Variants in GPR158 observed in about 807,000 individuals in gnomAD.
GPR158 encodes metabotropic glycine receptor.
GPR158 carries 30 observed loss-of-function variants against 78.2 expected under a neutral mutation model. That is an observed-to-expected ratio of 0.38 (90% CI 0.29 to 0.52). The LOEUF (loss-of-function observed/expected upper bound fraction) is 0.52. GPR158 is among the 20% of genes least tolerant of loss of function. The pLI is 0.83. For synonymous variants in GPR158, 581 were observed against 591.1 expected (o/e 0.98, Z 0.25); for missense variants, 1,463 against 1,523.5 (o/e 0.96, Z 0.66).
rs537988034 is a variant in GPR158, at chr10:25,422,743, G to A, written c.1335+10270G>A. On this transcript the variant is annotated intron_variant, in intron 4 of 10. Coordinates refer to ENST00000376351, the MANE Select transcript of GPR158 (RefSeq NM_020752.3). ...TCAGTAGGTTTTTGGGAAACACGTG[G>A]TGTTGGGTTACACGAATAAGTTCTT... Among the ~76,000 whole-genome samples, 3 of 151,832 alleles carry A rather than the reference G, an allele frequency of 2.0e-5. 1 individual carries two copies. The South Asian group carries it at 6.3e-4, about 32-fold the overall frequency.
chr10:25,482,134 T>C (rs1228199051), intron 5 of GPR158, among the ~76,000 whole-genome samples: 1 of 152,098 alleles, frequency 6.6e-6, no homozygotes, highest in African/African-American at 2.4e-5. Flanking sequence ...GATGATGCTG[T>C]TTCTACCAGA....
At chr10:25,196,255 ATTCTT>A (rs1213030591) in intron 1 of GPR158, among the ~76,000 whole-genome samples, 4 of 150,628 alleles carry the variant, frequency 2.7e-5, no homozygotes, top group Non-Finnish European at 5.9e-5. Flanking sequence ...GAGAGATTTT[ATTCTT>A]TTCTTTTTTT....
chr10:25,187,427 A>G (rs1188718884), intron 1 of GPR158, among the ~76,000 whole-genome samples: 1 of 152,198 alleles, frequency 6.6e-6, no homozygotes, highest in Admixed American at 6.5e-5. Context: ...CAAAAAGCTT[A>G]TCCACCATGA....
chr10:25,526,511 C>G (rs980524454), intron 5 of GPR158, among the ~76,000 whole-genome samples: 1 of 152,080 alleles, frequency 6.6e-6, no homozygotes, highest in Non-Finnish European at 1.5e-5. Flanking sequence ...TGGATCCAAT[C>G]AAGAGACAGA....
chr10:25,267,301 C>A (rs921788766), intron 2 of GPR158, among the ~76,000 whole-genome samples: 8 of 152,098 alleles, frequency 5.3e-5, no homozygotes, highest in African/African-American at 1.4e-4. Flanking sequence ...GAAGGGGAAG[C>A]AAACATGCCC....
chr10:25,498,842 G>C (rs934966312), intron 5 of GPR158, among the ~76,000 whole-genome samples: 2 of 152,182 alleles, frequency 1.3e-5, no homozygotes, highest in South Asian at 2.1e-4. Context: ...AGTAGGTGCT[G>C]GATGGCACAG....
At chr10:25,471,824 G>C (rs1354216215) in intron 5 of GPR158, among the ~76,000 whole-genome samples, 1 of 151,982 alleles carries the variant, frequency 6.6e-6, no homozygotes, top group Non-Finnish European at 1.5e-5. Flanking sequence ...TTTTTTTCTT[G>C]TACATTTGTT....
At chr10:25,561,603 A>G (rs1836861499) in intron 6 of GPR158, among the ~76,000 whole-genome samples, 1 of 152,216 alleles carries the variant, frequency 6.6e-6, no homozygotes, top group African/African-American at 2.4e-5. Flanking sequence ...TTTCAAAACT[A>G]AACATTTTTG....
chr10:25,407,031 G>A (rs1437859041), intron 3 of GPR158, among the ~76,000 whole-genome samples: 1 of 152,068 alleles, frequency 6.6e-6, no homozygotes, highest in Non-Finnish European at 1.5e-5. Flanking sequence ...TTCCTTTAAG[G>A]TTCAAAATAA....
intron 1 of GPR158, among the ~76,000 whole-genome samples, chr10:25,180,928 A>G (rs2130628015): frequency 6.6e-6 from 1 of 152,268 alleles, no homozygotes; most frequent in African/African-American, 2.4e-5. Flanking sequence ...TAGTATGGAA[A>G]TCTCTTTTTA....
chr10:25,378,982 G>A (rs1221806916), intron 2 of GPR158, among the ~76,000 whole-genome samples: 1 of 151,826 alleles, frequency 6.6e-6, no homozygotes, highest in African/African-American at 2.4e-5. Flanking sequence ...TCTGAGATGG[G>A]GTCTCACCGT....
intron 2 of GPR158, among the ~76,000 whole-genome samples, chr10:25,269,879 T>G (rs899944189): frequency 5.9e-5 from 9 of 152,204 alleles, no homozygotes; most frequent in Non-Finnish European, 7.3e-5. Context: ...CCACGCAGTT[T>G]GTTTCATTTT....
At chr10:25,458,514 G>A (rs1416009640) in intron 4 of GPR158, among the ~76,000 whole-genome samples, 2 of 152,190 alleles carry the variant, frequency 1.3e-5, no homozygotes, top group South Asian at 2.1e-4. Flanking sequence ...CTGATCAGCC[G>A]AGTGAGCTTC....
chr10:25,551,643 C>T (rs566024927), intron 6 of GPR158, among the ~76,000 whole-genome samples: 9 of 152,192 alleles, frequency 5.9e-5, no homozygotes, highest in African/African-American at 2.2e-4. Flanking sequence ...TTCTAAACCA[C>T]CTAAATATTG....
At chr10:25,312,323 C>T (rs906295093) in intron 2 of GPR158, among the ~76,000 whole-genome samples, 1 of 151,910 alleles carries the variant, frequency 6.6e-6, no homozygotes, top group South Asian at 2.1e-4. Context: ...AATGTTGATA[C>T]GTTTAACCCA....
chr10:25,550,242 C>T (rs1836710538), intron 5 of GPR158, among the ~76,000 whole-genome samples: 1 of 152,118 alleles, frequency 6.6e-6, no homozygotes, highest in Non-Finnish European at 1.5e-5. Flanking sequence ...CTCTTTTCCC[C>T]CTCTTCCTGG....
At chr10:25,329,900 T>C (rs1324895659) in intron 2 of GPR158, among the ~76,000 whole-genome samples, 2 of 152,146 alleles carry the variant, frequency 1.3e-5, no homozygotes, top group Non-Finnish European at 2.9e-5. Context: ...ATAATGTTAA[T>C]AGTATTAGTG....
intron 9 of GPR158, 24 bp downstream of exon 9, chr10:25,594,421 T>C: frequency 1.8e-6 from 2 of 1,104,086 alleles, no homozygotes; most frequent in Non-Finnish European, 2.7e-6. Flanking sequence ...ATTACTTTTT[T>C]TTTTGCAAAA....
intron 10 of GPR158, among the ~76,000 whole-genome samples, chr10:25,597,563 T>TA (rs887427852): frequency 2.6e-5 from 4 of 152,180 alleles, no homozygotes; most frequent in African/African-American, 9.7e-5. Flanking sequence ...GTTCATGTCT[T>TA]AAGGTCCACA....
Sources: gnomAD v4.1 joint callset for allele counts (sites outside exome capture counted in the v4.1 genomes callset) on GRCh38, gnomAD v4.1.1 for gene constraint, MANE v1.5 for transcripts, NCBI Gene and HGNC (gene_info 2026-07-23, HGNC 2026-07-21) for gene names.